Variants in SULT6B1 observed in about 807,000 individuals in gnomAD.
SULT6B1 encodes sulfotransferase family 6B member 1.
SULT6B1 carries 44 observed loss-of-function variants against 37.2 expected under a neutral mutation model. The observed-to-expected ratio is 1.18, with a 90% CI of 0.93 to 1.52. The LOEUF (loss-of-function observed/expected upper bound fraction) is 1.52. Ranked by LOEUF, SULT6B1 falls within the 40% of genes most tolerant of loss-of-function variation. SULT6B1 has a pLI of 0.00. For synonymous variants in SULT6B1, 140 were observed against 126.0 expected, an observed-to-expected ratio of 1.11 and a Z score of -0.74; for missense variants, 450 against 361.0, an observed-to-expected ratio of 1.25 and a Z score of -2.00.
At chr2:37,195,629 T>A (rs1331918977) in intron 1 of SULT6B1, among the ~76,000 whole-genome samples, 3 of 152,182 alleles carry the variant, frequency 2.0e-5, no homozygotes, top group Admixed American at 6.5e-5. Context: ...CTAACTAGAC[T>A]AGAACTTCGA....
chr2:37,175,744 G>C (rs1221276932), intron 4 of SULT6B1, among the ~76,000 whole-genome samples: 3 of 152,118 alleles, frequency 2.0e-5, no homozygotes, highest in Non-Finnish European at 2.9e-5. Context: ...ACAAAAATTT[G>C]AGTGAAACAT....
chr2:37,170,262 T>C (rs1676264335), intron 6 of SULT6B1, among the ~76,000 whole-genome samples: 1 of 141,382 alleles, frequency 7.1e-6, no homozygotes, highest in African/African-American at 2.7e-5. Context: ...AGGTCAGGAG[T>C]TCAAGACCAG....
Position 37,179,500 on chromosome 2 carries a change from C to A in SULT6B1, c.487G>T (p.Gly163Cys), listed in dbSNP as rs75398209. 8.1e-6 allele frequency: 13 copies of A among 1,613,792 alleles called. No homozygotes were observed. The African/African-American group carries it at 1.3e-4, about 17-fold the overall frequency. The change falls in exon 4 of 7, where the codon GGC (glycine) becomes TGC (cysteine). Residue 163 changes from glycine (G) to cysteine (C), a missense_variant. Physicochemically the swap from Gly to Cys is radical, Grantham distance 159. Coordinates refer to ENST00000535679, the MANE Select transcript of SULT6B1 (RefSeq NM_001367551.1). ...HNDVPDIPSY[G>C]SWDEFFRQFM... ...TGTCTGAAGAATTCATCCCAAGAGC[C>A]ATAGCTTGGAATATCGGGGACATCG...
chr2:37,172,345 A>G (rs1270140162), intron 5 of SULT6B1, among the ~76,000 whole-genome samples: 3 of 152,164 alleles, frequency 2.0e-5, no homozygotes, highest in African/African-American at 7.2e-5. Flanking sequence ...TCCTAAATCT[A>G]TTTGAATAAC....
chr2:37,187,351 T>C lies in SULT6B1; in HGVS notation c.312+4A>G. On this transcript the variant is annotated splice_donor_region_variant and intron_variant, in intron 2 of 6. Transcript: ENST00000535679. Reference sequence around the variant, plus strand: ...CTGTAAGGTTAAAGGCTGGTTGTACTAACCTGATATTTTTCTGAATCCCCA... The same window carrying C: ...CTGTAAGGTTAAAGGCTGGTTGTACCAACCTGATATTTTTCTGAATCCCCA... 1 of 1,559,988 alleles carries C rather than the reference T, an allele frequency of 6.4e-7. No individual in the cohort carries two copies. The highest frequency in any genetic ancestry group is 1.7e-5 in the Admixed American group (1 of 59,120).
rs1341538470 is a variant in SULT6B1 at position 37,175,151 on chromosome 2, A to G, written c.605T>C (p.Leu202Ser). Residue 202 changes from leucine (L) to serine (S), a missense_variant, in exon 5 of 7, where the codon TTA becomes TCA. Transcript: ENST00000535679. ...TCTCACCTCTTTCAGGTCTTCATAT[A>G]ATATGAACTTAACATTGTCGCCATC... ...HLDGDNVKFI[L>S]YEDLKENLAA... 1 of 1,551,534 alleles carries G rather than the reference A, an allele frequency of 6.4e-7. No individual in the cohort carries two copies. The highest frequency in any genetic ancestry group is 8.7e-7 in the Non-Finnish European group (1 of 1,146,690).
At position 37,188,507 on chromosome 2, in the gene SULT6B1, A is replaced by C; in HGVS notation, c.134T>G (p.Phe45Cys). 6.2e-7 allele frequency: 1 copy of C among 1,614,212 alleles called. No homozygotes were observed. The highest frequency in any genetic ancestry group is 1.1e-5 in the South Asian group (1 of 91,080). The change falls in exon 1 of 7, where the codon TTC (phenylalanine) becomes TGC (cysteine). Residue 45 changes from phenylalanine to cysteine, a missense_variant. Physicochemically the swap from Phe to Cys is radical, Grantham distance 205. Coordinates refer to ENST00000535679, the MANE Select transcript of SULT6B1 (RefSeq NM_001367551.1). ...YPITMCTSET[F>C]QALDTFEARH... ...GGCTTCGAAGGTGTCCAGCGCTTGG[A>C]AAGTTTCTGAGGTGCACATGGTGAT...
intron 5 of SULT6B1, among the ~76,000 whole-genome samples, chr2:37,174,641 A>G (rs1321234811): frequency 1.3e-5 from 2 of 152,126 alleles, no homozygotes; most frequent in African/African-American, 4.8e-5. Flanking sequence ...TTTATTATGT[A>G]TCATTCTTTC....
At chr2:37,173,610 C>A (rs568260933) in intron 5 of SULT6B1, among the ~76,000 whole-genome samples, 1 of 152,140 alleles carries the variant, frequency 6.6e-6, no homozygotes, top group Non-Finnish European at 1.5e-5. Flanking sequence ...CCTACTCAAT[C>A]GGTGGCAACT....
chr2:37,183,604 A>C, intron 2 of SULT6B1, 90 bp from the exon 3 acceptor site: 1 of 974,994 alleles, frequency 1.0e-6, no homozygotes, highest in Non-Finnish European at 1.6e-6. Flanking sequence ...TATCTAAGTG[A>C]TAGTTTCTAG....
chr2:37,176,434 A>G (rs1157478968), intron 4 of SULT6B1, among the ~76,000 whole-genome samples: 1 of 151,682 alleles, frequency 6.6e-6, no homozygotes, highest in Non-Finnish European at 1.5e-5. Context: ...TAATTTTTGT[A>G]TTTTTGGTAG....
chr2:37,168,075 AC>A lies in SULT6B1; in HGVS notation c.782-11del. 6.4e-7 allele frequency: 1 copy of A among 1,573,214 alleles called. No individual in the cohort carries two copies. Among genetic ancestry groups the A allele is most frequent in the South Asian group, 1.2e-5 (1 of 83,824 alleles). The stretch of plus-strand genomic sequence containing the variant: ...CAATCACCAACTTCACCTACAACAC[AC>A]AAAAAACAGTAGACCCAGATATCTG... On this transcript the variant is annotated splice_polypyrimidine_tract_variant and intron_variant, in intron 6 of 6. Coordinates refer to ENST00000535679, the MANE Select transcript of SULT6B1 (RefSeq NM_001367551.1).
rs1023064797 is a variant in SULT6B1, at chr2:37,188,553, A to T, written c.88T>A (p.Tyr30Asn). Residue 30 changes from tyrosine to asparagine, a missense_variant, in exon 1 of 7, where the codon TAT becomes AAT. By Grantham distance (143) the Tyr-to-Asn change is moderately radical. Coordinates refer to ENST00000535679, the MANE Select transcript of SULT6B1 (RefSeq NM_001367551.1). The part of the protein sequence containing the change: ...ETALSHLFFT[Y>N]QGIPYPITMC... ...GTGATGGGGTAAGGAATCCCCTGATAGGTGAAAAATAAATGAGAGAGTGCA... is the reference window on the plus strand; with the variant it reads ...GTGATGGGGTAAGGAATCCCCTGATTGGTGAAAAATAAATGAGAGAGTGCA... 7 of 1,611,164 alleles carry T rather than the reference A, an allele frequency of 4.3e-6. No homozygotes were observed. The Admixed American group carries it at 1.0e-4, about 23-fold the overall frequency.
chr2:37,187,601 T>G, intron 1 of SULT6B1, 134 bp from the exon 2 acceptor site: 1 of 482,568 alleles, frequency 2.1e-6, no homozygotes, highest in Non-Finnish European at 3.6e-6. Context: ...TCTTCTGTCT[T>G]TGAAATAACT....
chr2:37,192,378 G>T (rs1676796983), upstream of SULT6B1, among the ~76,000 whole-genome samples: 1 of 152,144 alleles, frequency 6.6e-6, no homozygotes, highest in African/African-American at 2.4e-5. Flanking sequence ...ACCAGAGAGG[G>T]TTCCTAGCTA....
At chr2:37,179,409 A>G in intron 4 of SULT6B1, 49 bp downstream of exon 4, 1 of 1,606,022 alleles carries the variant, frequency 6.2e-7, no homozygotes, top group Non-Finnish European at 8.5e-7. Context: ...TTTCACATTT[A>G]TGTGGTCATC....
intron 3 of SULT6B1, among the ~76,000 whole-genome samples, chr2:37,181,617 G>C (rs954376799): frequency 2.2e-5 from 3 of 135,200 alleles, no homozygotes; most frequent in African/African-American, 7.8e-5. Context: ...CTGGGCTCAA[G>C]CGATCCCTCC....
chr2:37,187,287 G>C, intron 2 of SULT6B1, 68 bp downstream of exon 2: 1 of 1,077,268 alleles, frequency 9.3e-7, no homozygotes, highest in South Asian at 1.4e-5. Flanking sequence ...GAAAACTAAA[G>C]AATCTCCAAA....
At chr2:37,172,065 T>C (rs1480047884) in intron 5 of SULT6B1, among the ~76,000 whole-genome samples, 4 of 149,830 alleles carry the variant, frequency 2.7e-5, no homozygotes, top group African/African-American at 7.3e-5. Flanking sequence ...TTTTTTTTTT[T>C]TAGACAGGGT....
Sources: gnomAD v4.1 joint callset for allele counts (sites outside exome capture counted in the v4.1 genomes callset) on GRCh38, gnomAD v4.1.1 for gene constraint, MANE v1.5 for transcripts, NCBI Gene and HGNC (gene_info 2026-07-23, HGNC 2026-07-21) for gene names.